Variants in INCENP observed in about 807,000 individuals in gnomAD.
The protein encoded by INCENP is inner centromere protein, also known as binds and activates aurora-B and -C in vivo and in vitro.
In INCENP, 43 loss-of-function variants were observed where a neutral mutation model predicts 107.3. The ratio of observed to expected loss-of-function variants is 0.40; its 90% CI spans 0.31 to 0.52. The LOEUF (loss-of-function observed/expected upper bound fraction) is 0.52. INCENP is among the 20% of genes least tolerant of loss of function. The probability of loss-of-function intolerance (pLI) is 0.53; values close to 1 mark genes in which losing one functional copy is unlikely to be tolerated. For synonymous variants in INCENP, 488 were observed against 494.4 expected (o/e 0.99, Z 0.17); for missense variants, 1,089 against 1,250.9 (o/e 0.87, Z 1.95).
chr11:62,137,743 C>T, intron 4 of INCENP, 89 bp from the exon 5 acceptor site: 1 of 1,163,204 alleles, frequency 8.6e-7, no homozygotes, highest in Non-Finnish European at 1.3e-6. Flanking sequence ...GTGGCCAGGC[C>T]CTTGCTGGAA....
chr11:62,146,521 G>C (rs1469314684), intron 14 of INCENP, 137 bp from the exon 15 acceptor site: 1 of 1,317,226 alleles, frequency 7.6e-7, no homozygotes, highest in East Asian at 2.5e-5. Context: ...TGCTCGGGAT[G>C]TCCCACGGCG....
rs767974132 is a variant in INCENP at position 62,152,019 on chromosome 11, GTCTA to G, written c.*47_*50del. ...CTTGGCAGCCTCGCCTCCTGTCCAT[GTCTA>G]TCTGTCTGTCTGTCGGTCTCTGTCT... On this transcript the variant is annotated 3_prime_UTR_variant, in exon 19 of 19. Transcript: ENST00000394818. 8.4e-6 allele frequency: 12 copies of G among 1,430,042 alleles called. No homozygotes were observed. The African/African-American group carries it at 8.5e-5, about 10-fold the overall frequency. The allele number at this position is 1,430,042 out of a possible 1,614,324, so 88.6% of individuals were successfully genotyped here.
At chr11:62,125,252 G>A (rs545209803) in intron 1 of INCENP, among the ~76,000 whole-genome samples, 2 of 152,240 alleles carry the variant, frequency 1.3e-5, no homozygotes, top group African/African-American at 4.8e-5. Flanking sequence ...AAATCGTTGC[G>A]CTAAGGTCTG....
intron 11 of INCENP, among the ~76,000 whole-genome samples, chr11:62,142,275 C>T (rs532814980): frequency 3.5e-4 from 54 of 152,358 alleles, no homozygotes; most frequent in South Asian, 3.5e-3. Context: ...TTGAGGGCCT[C>T]GGCAGGTGAG....
In INCENP at chr11:62,130,028, T is replaced by A. The variant is rs1403152117; in HGVS notation, c.501T>A (p.Pro167=). ...EDNHTQCQLV[P]VVEIGISERQ... is the part of the protein sequence containing the mutation. ...ACCACACCCAGTGCCAGCTGGTGCC[T>A]GTGGTGGAGATCGGCATCAGTGAGC... Residue 167 remains proline (P), a synonymous_variant, in exon 4 of 19, where the codon CCT becomes CCA. Coordinates refer to ENST00000394818, the MANE Select transcript of INCENP (RefSeq NM_001040694.2). The A allele has an allele frequency of 6.2e-7, 1 of 1,613,988 alleles. No homozygotes were observed. Among genetic ancestry groups the A allele is most frequent in the Non-Finnish European group, 8.5e-7 (1 of 1,179,996 alleles).
In INCENP at chr11:62,152,038, G is replaced by A. The variant is rs1162415180; in HGVS notation, c.*62G>A. 1.8e-5 allele frequency: 24 copies of A among 1,344,616 alleles called. No homozygotes were observed. Among genetic ancestry groups the A allele is most frequent in the Middle Eastern group, 4.2e-4 (2 of 4,744 alleles). The allele number at this position is 1,344,616 out of a possible 1,614,324, so 83.3% of individuals were successfully genotyped here. ...GTCCATGTCTATCTGTCTGTCTGTCGGTCTCTGTCTTGGTCTGTTGCCCTC... is the reference window on the plus strand; with the variant it reads ...GTCCATGTCTATCTGTCTGTCTGTCAGTCTCTGTCTTGGTCTGTTGCCCTC... On this transcript the variant is annotated 3_prime_UTR_variant, in exon 19 of 19. Transcript: ENST00000394818.
intron 4 of INCENP, among the ~76,000 whole-genome samples, chr11:62,130,887 G>A (rs1943879866): frequency 6.6e-6 from 1 of 152,218 alleles, no homozygotes; most frequent in Admixed American, 6.5e-5. Flanking sequence ...GTGCAGGTCT[G>A]ACCCAACCTA....
chr11:62,148,608 G>A, intron 16 of INCENP, 54 bp downstream of exon 16: 1 of 1,549,070 alleles, frequency 6.5e-7, no homozygotes, highest in Non-Finnish European at 8.8e-7. Context: ...GCTGTGGGCG[G>A]GTCTGGACTC....
At position 62,135,798 on chromosome 11, in the gene INCENP, T is replaced by C. The variant is rs545373002; in HGVS notation, c.1064-2034T>C. Reference sequence around the variant, plus strand: ...GCTTTTCAAAATTCTACTCTTGGATTCGTTTTGGCTCAATTTTTTTTTTCT... The same window carrying C: ...GCTTTTCAAAATTCTACTCTTGGATCCGTTTTGGCTCAATTTTTTTTTTCT... On this transcript the variant is annotated intron_variant, in intron 4 of 18. Transcript: ENST00000394818. Among the ~76,000 whole-genome samples the C allele has an allele frequency of 2.6e-5, 4 of 152,208 alleles. No individual in the cohort carries two copies. In the South Asian group the frequency reaches 8.3e-4, roughly 32 times the overall value.
At position 62,129,910 on chromosome 11, in the gene INCENP, C is replaced by T. The variant is rs773254306; in HGVS notation, c.383C>T (p.Ala128Val). The change falls in exon 4 of 19, where the codon GCG (alanine) becomes GTG (valine). Residue 128 changes from alanine to valine, a missense_variant. Ala to Val is a moderately conservative substitution (Grantham distance 64). Transcript: ENST00000394818. ...GTCCTGCGGCGTGTGACCCGTGCTG[C>T]GGCTGCAGCTGCCGCGGCTACCATG... ...GSVLRRVTRA[A>V]AAAAAATMAL... The T allele has an allele frequency of 1.4e-5, 23 of 1,613,090 alleles. No individual in the cohort carries two copies. The highest frequency in any genetic ancestry group is 4.4e-5 in the South Asian group (4 of 91,088).
intron 4 of INCENP, among the ~76,000 whole-genome samples, chr11:62,135,382 T>C (rs1053467478): frequency 1.3e-5 from 2 of 152,062 alleles, no homozygotes; most frequent in African/African-American, 4.8e-5. Flanking sequence ...TTCTCTTGCC[T>C]CAGCCTCCCG....
chr11:62,125,673 G>A (rs1943733365), intron 1 of INCENP, among the ~76,000 whole-genome samples: 1 of 152,266 alleles, frequency 6.6e-6, no homozygotes, highest in Admixed American at 6.5e-5. Flanking sequence ...TTTATTTGGT[G>A]CCCTTTGTGT....
At chr11:62,137,757 G>A (rs778604087) in intron 4 of INCENP, 75 bp from the exon 5 acceptor site, 25 of 1,394,594 alleles carry the variant, frequency 1.8e-5, no homozygotes, top group South Asian at 3.5e-5. Context: ...GCTGGAACCC[G>A]GTCCCCTGGA....
At chr11:62,150,249 C>G in intron 18 of INCENP, 42 bp downstream of exon 18, 2 of 1,605,916 alleles carry the variant, frequency 1.2e-6, no homozygotes, top group Non-Finnish European at 1.7e-6. Context: ...CAGGCCCTCC[C>G]TGGTCCTCAC....
At chr11:62,149,080 G>A (rs1170126497) in intron 17 of INCENP, among the ~76,000 whole-genome samples, 1 of 152,130 alleles carries the variant, frequency 6.6e-6, no homozygotes, top group African/African-American at 2.4e-5. Context: ...TAAAAAAAGG[G>A]ACCCTCAGGA....
At chr11:62,138,068 T>C in intron 5 of INCENP, 185 bp downstream of exon 5, 1 of 629,750 alleles carries the variant, frequency 1.6e-6, no homozygotes, top group African/African-American at 1.8e-5. Context: ...CCACCTGGTC[T>C]CCTTGCAGCA....
In INCENP at chr11:62,130,446, C is replaced by G; in HGVS notation, c.919C>G (p.Pro307Ala). 6.2e-7 allele frequency: 1 copy of G among 1,614,040 alleles called. No individual in the cohort carries two copies. The highest frequency in any genetic ancestry group is 1.3e-5 in the African/African-American group (1 of 75,072). The change falls in exon 4 of 19, where the codon CCG (proline) becomes GCG (alanine). Residue 307 changes from proline to alanine, a missense_variant. By Grantham distance (27) the Pro-to-Ala change is conservative. Coordinates refer to ENST00000394818, the MANE Select transcript of INCENP (RefSeq NM_001040694.2). Reference protein sequence around the residue: ...RTDSQSVRHSPIAPSSPSPQV... With the variant: ...RTDSQSVRHSAIAPSSPSPQV... ...GGACTCTCAATCGGTGCGGCACAGCCCGATCGCCCCGTCTTCCCCGAGTCC... is the reference window on the plus strand; with the variant it reads ...GGACTCTCAATCGGTGCGGCACAGCGCGATCGCCCCGTCTTCCCCGAGTCC...
At chr11:62,144,391 A>G (rs562383124) in intron 11 of INCENP, among the ~76,000 whole-genome samples, 4 of 152,188 alleles carry the variant, frequency 2.6e-5, no homozygotes, top group African/African-American at 9.6e-5. Context: ...TTTGGAAAAT[A>G]AAAGAAAATT....
rs1425045360 is a variant in INCENP, at chr11:62,137,831, G to T, written c.1064-1G>T. On this transcript the variant is annotated splice_acceptor_variant, in intron 4 of 18. Coordinates refer to ENST00000394818, the MANE Select transcript of INCENP (RefSeq NM_001040694.2). LOFTEE classifies it high-confidence loss of function. ...TTTTGTGCCTTTCTTTTCCCCCTCA[G>T]GTCACAGTTACCTGGAGAGGCTCCT... The T allele has an allele frequency of 6.2e-7, 1 of 1,613,926 alleles. No individual in the cohort carries two copies. Among genetic ancestry groups the T allele is most frequent in the Non-Finnish European group, 8.5e-7 (1 of 1,179,940 alleles).
Sources: gnomAD v4.1 joint callset for allele counts (sites outside exome capture counted in the v4.1 genomes callset) on GRCh38, gnomAD v4.1.1 for gene constraint, MANE v1.5 for transcripts, NCBI Gene and HGNC (gene_info 2026-07-23, HGNC 2026-07-21) for gene names.